Variants in JMJD6 observed in about 807,000 individuals in gnomAD.
JMJD6 encodes the protein bifunctional arginine demethylase and lysyl-hydroxylase JMJD6.
Under a neutral mutation model 45.8 loss-of-function variants are expected in JMJD6, and 17 were observed. The ratio of observed to expected loss-of-function variants is 0.37; its 90% confidence interval spans 0.25 to 0.56. The LOEUF is 0.56. Among genes scored for constraint, JMJD6 ranks in the 20% least tolerant of loss-of-function variants. JMJD6 has a pLI of 0.79. For missense variants in JMJD6, 470 were observed against 517.5 expected, an observed-to-expected ratio of 0.91 and a Z score of 0.89; for synonymous variants, 221 against 196.3, an observed-to-expected ratio of 1.13 and a Z score of -1.05.
At chr17:76,725,961 G>A in intron 1 of JMJD6, 106 bp from the exon 2 acceptor site, 1 of 1,362,684 alleles carries the variant, frequency 7.3e-7, no homozygotes, top group Non-Finnish European at 9.7e-7. Context: ...GAAGGAAGTT[G>A]ACTCTCGTCT....
intron 3 of JMJD6, among the ~76,000 whole-genome samples, chr17:76,722,917 A>ACAAAGACAACAGGTAACTACTG (rs71158059): frequency 7.3e-6 from 1 of 136,900 alleles, no homozygotes; most frequent in Non-Finnish European, 1.5e-5. Context: ...CTACACATAC[A>ACAAAGACAACAGGTAACTACTG]CAAACAAAGA....
chr17:76,722,142 G>A (rs568289468), intron 3 of JMJD6, among the ~76,000 whole-genome samples: 3 of 152,254 alleles, frequency 2.0e-5, no homozygotes, highest in South Asian at 2.1e-4. Context: ...ACCTGGTGAC[G>A]GATTGTCTAG....
intron 5 of JMJD6, 66 bp from the exon 6 acceptor site, chr17:76,718,926 C>G: frequency 1.3e-5 from 20 of 1,518,712 alleles, no homozygotes; most frequent in Non-Finnish European, 1.8e-5. Flanking sequence ...ATTAAACAAA[C>G]CTCTGACCTC....
Position 76,720,288 on chromosome 17 carries a change from G to A in JMJD6, c.1080+72C>T, listed in dbSNP as rs1487181076. 21 of 1,405,430 alleles carry A rather than the reference G, an allele frequency of 1.5e-5. No homozygotes were observed. In the South Asian group the frequency reaches 2.2e-4, roughly 15 times the overall value. 87.1% of individuals were successfully genotyped at this position (1,405,430 alleles called of 1,614,324 possible). ...CTTCTCCTGGATAGGAGGAGGAAGAGTCACACCTGGTTATGACTGAGTTAC... is the reference window on the plus strand; with the variant it reads ...CTTCTCCTGGATAGGAGGAGGAAGAATCACACCTGGTTATGACTGAGTTAC... On this transcript the variant is annotated intron_variant, in intron 5 of 5. Transcript: ENST00000397625.
At chr17:76,724,933 C>T (rs2076885305) in intron 2 of JMJD6, among the ~76,000 whole-genome samples, 2 of 152,170 alleles carry the variant, frequency 1.3e-5, no homozygotes, top group Admixed American at 6.5e-5. Context: ...TTCAAGTCAC[C>T]TGAAGAGCTT....
At chr17:76,724,520 C>T (rs1233460548) in intron 2 of JMJD6, among the ~76,000 whole-genome samples, 2 of 151,884 alleles carry the variant, frequency 1.3e-5, no homozygotes, top group African/African-American at 4.8e-5. Context: ...TGATTCCTAA[C>T]AAAATAAGAA....
At chr17:76,718,272 G>A (rs62086780), downstream of JMJD6, among the ~76,000 whole-genome samples, 31,371 of 150,998 alleles carry the variant, frequency 0.21, 3,881 homozygotes, top group Admixed American at 0.27. Flanking sequence ...AAGAGGCCAC[G>A]CCTCAGGTTC....
At chr17:76,714,246 C>CT (rs1374394599), downstream of JMJD6, 2 of 152,250 alleles carry the variant, frequency 1.3e-5, no homozygotes, top group African/African-American at 2.4e-5. Flanking sequence ...GTCCCCAACT[C>CT]TTCTCTCTCC....
intron 3 of JMJD6, among the ~76,000 whole-genome samples, chr17:76,722,890 G>GGT (rs2076844392): frequency 1.2e-4 from 4 of 34,400 alleles, no homozygotes; most frequent in African/African-American, 4.3e-4. Flanking sequence ...CCAATTTACA[G>GGT]AAACACAAAC....
downstream of JMJD6, among the ~76,000 whole-genome samples, chr17:76,717,283 A>G (rs2076772072): frequency 6.6e-6 from 1 of 152,208 alleles, no homozygotes; most frequent in Admixed American, 6.5e-5. Flanking sequence ...GCTGAGCTCA[A>G]GTGATCCTCC....
At chr17:76,714,868 T>G (rs1385661759), downstream of JMJD6, 1 of 152,210 alleles carries the variant, frequency 6.6e-6, no homozygotes, top group Non-Finnish European at 1.5e-5. Flanking sequence ...AGACTGGTCT[T>G]GAACTCCTGG....
At chr17:76,722,997 A>AT (rs2076847298) in intron 3 of JMJD6, among the ~76,000 whole-genome samples, 2 of 146,320 alleles carry the variant, frequency 1.4e-5, no homozygotes, top group Non-Finnish European at 3.0e-5. Context: ...CCCAGGCTGG[A>AT]GTGCAGTGAC....
At position 76,718,635 on chromosome 17, in the gene JMJD6, C is replaced by A; in HGVS notation, c.*94G>T. On this transcript the variant is annotated 3_prime_UTR_variant, in exon 6 of 6. Transcript: ENST00000397625. ...GTCCTCATTCTTGGGCTCTGTCAGG[C>A]CTCCCCTTGTCTGCAGGACTGGACA... 1 of 1,519,442 alleles carries A rather than the reference C, an allele frequency of 6.6e-7. No individual in the cohort carries two copies. The highest frequency in any genetic ancestry group is 8.8e-7 in the Non-Finnish European group (1 of 1,137,338). The allele number at this position is 1,519,442 out of a possible 1,614,324, so 94.1% of individuals were successfully genotyped here.
At chr17:76,726,260 G>A (rs1598388235) in intron 1 of JMJD6, 87 bp downstream of exon 1, 16 of 1,456,980 alleles carry the variant, frequency 1.1e-5, no homozygotes, top group South Asian at 4.0e-5. Context: ...GGCGCTCGGG[G>A]CGAGGGCAGC....
At chr17:76,717,940 G>A (rs1309233225), downstream of JMJD6, among the ~76,000 whole-genome samples, 11 of 151,170 alleles carry the variant, frequency 7.3e-5, no homozygotes, top group Non-Finnish European at 1.0e-4. Context: ...ACAATAAGCC[G>A]AGATCGCATC....
At chr17:76,716,664 C>G (rs367943349), downstream of JMJD6, 37 of 1,613,572 alleles carry the variant, frequency 2.3e-5, no homozygotes, top group Non-Finnish European at 3.1e-5. Context: ...GAAAGCACCT[C>G]AGGGAGAGTC....
At chr17:76,721,417 G>A (rs1299473361) in intron 4 of JMJD6, 4 of 345,540 alleles carry the variant, frequency 1.2e-5, no homozygotes, top group African/African-American at 4.2e-5. Context: ...AGAACTGAAG[G>A]TATTAAGTTC....
chr17:76,722,082 CA>C (rs2076832738), intron 3 of JMJD6, 149 bp from the exon 4 acceptor site: 2 of 818,272 alleles, frequency 2.4e-6, no homozygotes, highest in East Asian at 5.5e-5. Context: ...CCAGGGATTG[CA>C]AACAACTTGT....
intron 3 of JMJD6, 43 bp from the exon 4 acceptor site, chr17:76,721,976 T>C (rs748275271): frequency 6.8e-6 from 11 of 1,606,686 alleles, no homozygotes; most frequent in East Asian, 4.5e-5. Flanking sequence ...TTTGATCCTA[T>C]ACCTAATTAC....
Sources: allele counts gnomAD v4.1 joint callset (sites outside exome capture counted in the v4.1 genomes callset), GRCh38; gene constraint gnomAD v4.1.1; transcripts MANE v1.5; gene names NCBI Gene and HGNC (gene_info 2026-07-23, HGNC 2026-07-21).